Variants in PTPRM observed in about 807,000 individuals in gnomAD.
PTPRM encodes the protein protein tyrosine phosphatase receptor type M, also known as receptor-type tyrosine-protein phosphatase mu.
A neutral mutation model predicts 186.7 loss-of-function variants in PTPRM; 47 were observed. The observed-to-expected ratio is 0.25, with a 90% CI of 0.20 to 0.32. The LOEUF is 0.32. PTPRM is among the 10% of genes least tolerant of loss of function. PTPRM has a pLI of 1.00. For missense variants in PTPRM, 1,494 were observed against 1,865.0 expected (o/e 0.80, Z 3.66); for synonymous variants, 668 against 674.9 (o/e 0.99, Z 0.16).
chr18:8,203,298 T>C (rs2093883081), intron 14 of PTPRM, among the ~76,000 whole-genome samples: 2 of 152,208 alleles, frequency 1.3e-5, no homozygotes, highest in Admixed American at 1.3e-4. Context: ...AGAAGTATGA[T>C]ACAAACTACT....
intron 7 of PTPRM, among the ~76,000 whole-genome samples, chr18:8,009,929 A>G (rs945017088): frequency 2.6e-5 from 4 of 152,122 alleles, no homozygotes; most frequent in Non-Finnish European, 5.9e-5. Flanking sequence ...GTGAACTGTA[A>G]TACCTACCTG....
intron 19 of PTPRM, among the ~76,000 whole-genome samples, chr18:8,284,146 G>A (rs2094931745): frequency 6.6e-6 from 1 of 152,136 alleles, no homozygotes; most frequent in Non-Finnish European, 1.5e-5. Context: ...GCTCTCGGCT[G>A]TTTGCATTTC....
intron 1 of PTPRM, among the ~76,000 whole-genome samples, chr18:7,736,127 T>C (rs1193823819): frequency 6.6e-6 from 1 of 152,118 alleles, no homozygotes; most frequent in Non-Finnish European, 1.5e-5. Context: ...TCTCTGAATA[T>C]TTTATAGAGT....
chr18:7,695,222 A>G (rs1424421430), intron 1 of PTPRM, among the ~76,000 whole-genome samples: 3 of 152,212 alleles, frequency 2.0e-5, no homozygotes, highest in Non-Finnish European at 4.4e-5. Flanking sequence ...TACAAACCGG[A>G]AAGGAGTCCC....
intron 3 of PTPRM, among the ~76,000 whole-genome samples, chr18:7,896,595 A>G (rs965519432): frequency 1.5e-4 from 23 of 152,178 alleles, no homozygotes; most frequent in African/African-American, 4.6e-4. Flanking sequence ...GGCATGGACT[A>G]TAGGGAATGG....
chr18:8,261,489 G>A (rs1335657718), intron 19 of PTPRM, among the ~76,000 whole-genome samples: 1 of 152,144 alleles, frequency 6.6e-6, no homozygotes, highest in Non-Finnish European at 1.5e-5. Context: ...TTCTTAGTGG[G>A]TGAAAGTTTC....
At chr18:8,219,015 G>C (rs189229633) in intron 14 of PTPRM, among the ~76,000 whole-genome samples, 48 of 152,312 alleles carry the variant, frequency 3.2e-4, no homozygotes, top group Admixed American at 3.0e-3. Context: ...AGTACATCCT[G>C]GAGACTTGCA....
intron 14 of PTPRM, among the ~76,000 whole-genome samples, chr18:8,224,445 G>T (rs1267411416): frequency 6.6e-6 from 1 of 152,210 alleles, no homozygotes; most frequent in Non-Finnish European, 1.5e-5. Context: ...AGTCTCTTCA[G>T]TGGCTTCATA....
chr18:7,750,179 A>G (rs910455944), intron 1 of PTPRM, among the ~76,000 whole-genome samples: 5 of 152,256 alleles, frequency 3.3e-5, no homozygotes, highest in Non-Finnish European at 7.3e-5. Flanking sequence ...TTTAATAACT[A>G]TAAAAGGAAA....
At chr18:7,718,416 A>G (rs1452580127) in intron 1 of PTPRM, among the ~76,000 whole-genome samples, 9 of 152,210 alleles carry the variant, frequency 5.9e-5, no homozygotes, top group Non-Finnish European at 1.5e-5. Flanking sequence ...TCAACTCAAC[A>G]TGTATCAAAG....
chr18:8,353,171 G>A (rs1208203825), intron 23 of PTPRM, among the ~76,000 whole-genome samples: 1 of 152,176 alleles, frequency 6.6e-6, no homozygotes, highest in African/African-American at 2.4e-5. Flanking sequence ...TGGAGAAAGA[G>A]CTAGTGGCCT....
intron 20 of PTPRM, among the ~76,000 whole-genome samples, chr18:8,304,505 T>C (rs1403658331): frequency 2.0e-5 from 3 of 152,184 alleles, no homozygotes; most frequent in Non-Finnish European, 1.5e-5. Context: ...TTTTGAGAGA[T>C]ATGAGACAAA....
At chr18:7,605,301 A>G (rs750357801) in intron 1 of PTPRM, among the ~76,000 whole-genome samples, 9 of 152,182 alleles carry the variant, frequency 5.9e-5, no homozygotes, top group Non-Finnish European at 1.0e-4. Flanking sequence ...AGCTTGCTGG[A>G]GTATTAATAA....
intron 2 of PTPRM, among the ~76,000 whole-genome samples, chr18:7,863,917 T>C (rs943777089): frequency 6.6e-6 from 1 of 152,226 alleles, no homozygotes; most frequent in African/African-American, 2.4e-5. Context: ...TGGTATCTCA[T>C]TGTGGTTTTG....
chr18:8,172,088 T>C (rs1309640868), intron 14 of PTPRM, among the ~76,000 whole-genome samples: 2 of 152,104 alleles, frequency 1.3e-5, no homozygotes, highest in Admixed American at 1.3e-4. Context: ...TTTTGCTGTA[T>C]TCTCGTTTTC....
At chr18:7,988,802 C>G (rs2083106032) in intron 7 of PTPRM, among the ~76,000 whole-genome samples, 1 of 152,042 alleles carries the variant, frequency 6.6e-6, no homozygotes, top group Non-Finnish European at 1.5e-5. Flanking sequence ...TTTGTTTATT[C>G]TTTCACCTGT....
At chr18:7,632,435 C>A (rs760348890) in intron 1 of PTPRM, among the ~76,000 whole-genome samples, 1 of 152,206 alleles carries the variant, frequency 6.6e-6, no homozygotes, top group Non-Finnish European at 1.5e-5. Context: ...TGTGTTTCTA[C>A]TCTTTTTGCT....
chr18:7,777,022 C>T (rs1339307674), intron 2 of PTPRM, among the ~76,000 whole-genome samples: 1 of 151,882 alleles, frequency 6.6e-6, no homozygotes, highest in Non-Finnish European at 1.5e-5. Context: ...TGATTTATTC[C>T]TTTCAAAAAC....
chr18:7,940,220 C>T (rs1335161747), intron 5 of PTPRM, among the ~76,000 whole-genome samples: 1 of 152,124 alleles, frequency 6.6e-6, no homozygotes, highest in Non-Finnish European at 1.5e-5. Context: ...ATATCACCAC[C>T]AGTCCTCCCT....
Sources: gnomAD v4.1 joint callset for allele counts (sites outside exome capture counted in the v4.1 genomes callset) on GRCh38, gnomAD v4.1.1 for gene constraint, MANE v1.5 for transcripts, NCBI Gene and HGNC (gene_info 2026-07-23, HGNC 2026-07-21) for gene names.